P4HA2: variants seen among roughly 807,000 people sequenced by gnomAD.
The protein encoded by P4HA2 is prolyl 4-hydroxylase subunit alpha-2.
In P4HA2, 46 loss-of-function variants were observed where a neutral mutation model predicts 76.9. The observed-to-expected ratio is 0.60, with a 90% CI of 0.47 to 0.76. P4HA2 has a LOEUF of 0.76. Ranked by LOEUF, P4HA2 falls within the 30% of genes least tolerant of loss-of-function variation. P4HA2 has a pLI of 0.00. For missense variants in P4HA2, 583 were observed against 669.4 expected (o/e 0.87, Z 1.42); for synonymous variants, 243 against 254.0 (o/e 0.96, Z 0.41).
In P4HA2 at chr5:132,192,890, C is replaced by G. The variant is rs1327420428; in HGVS notation, c.*120G>C. On this transcript the variant is annotated 3_prime_UTR_variant, in exon 15 of 15. Coordinates refer to ENST00000360568, the MANE Select transcript of P4HA2 (RefSeq NM_001017974.2). ...GCCCTAGTATGGTCTCCCTCTGCTC[C>G]AGACAAACATTCATTTCTCCAAAAA... is the stretch of plus-strand genomic sequence containing the variant. 1.4e-6 allele frequency: 1 copy of G among 727,300 alleles called. No individual in the cohort carries two copies. Among genetic ancestry groups the G allele is most frequent in the African/African-American group, 1.7e-5 (1 of 58,346 alleles). 45.1% of individuals were successfully genotyped at this position (727,300 alleles called of 1,614,324 possible). A position where few individuals can be genotyped will look rare whatever the true frequency, so the allele number is the denominator to read the frequency against.
intron 1 of P4HA2, chr5:132,222,080 C>G (rs540511927): frequency 1.6e-4 from 25 of 152,404 alleles, no homozygotes; most frequent in African/African-American, 5.8e-4. Context: ...CTCCCAGCTG[C>G]AACCCAAATG....
chr5:132,220,146 G>C (rs916682275), intron 1 of P4HA2, among the ~76,000 whole-genome samples: 14 of 152,242 alleles, frequency 9.2e-5, no homozygotes, highest in African/African-American at 3.4e-4. Context: ...AAGTGAGTAA[G>C]CCTGGGCTTG....
intron 5 of P4HA2, among the ~76,000 whole-genome samples, chr5:132,213,399 A>G (rs1753368891): frequency 6.6e-6 from 1 of 152,234 alleles, no homozygotes; most frequent in South Asian, 2.1e-4. Context: ...ATGAATCAGC[A>G]GCAAAGACTC....
chr5:132,194,909 C>T lies in P4HA2; in HGVS notation c.1531+17G>A, dbSNP rs764482279. 3.8e-6 allele frequency: 6 copies of T among 1,564,950 alleles called. 1 individual carries two copies. Among genetic ancestry groups the T allele is most frequent in the Non-Finnish European group, 5.3e-6 (6 of 1,135,116 alleles). On this transcript the variant is annotated intron_variant, in intron 14 of 14. Transcript: ENST00000360568. The stretch of plus-strand genomic sequence containing the variant: ...GCTGAGGCCACCAACACCAACACTA[C>T]CCCTTAAGACACTCACCCCACTTGC...
intron 12 of P4HA2, chr5:132,195,855 C>A: frequency 3.5e-6 from 1 of 286,436 alleles, no homozygotes; most frequent in South Asian, 4.1e-5. Flanking sequence ...GTGCCCTGAC[C>A]AGGAGCTCTG....
rs992442549 is a variant in P4HA2, at chr5:132,190,386, T to C, written c.*2624A>G. Reference sequence around the variant, plus strand: ...CTTATCAGCTGGCTTCCTGTTAGGGTCTACCAATGGAAGCCACTAGAGGGA... The same window carrying C: ...CTTATCAGCTGGCTTCCTGTTAGGGCCTACCAATGGAAGCCACTAGAGGGA... On this transcript the variant is annotated 3_prime_UTR_variant, in exon 15 of 15. Transcript: ENST00000360568. 1.3e-5 allele frequency among the ~76,000 whole-genome samples: 2 copies of C among 152,150 alleles called. No homozygotes were observed. Among genetic ancestry groups the C allele is most frequent in the African/African-American group, 2.4e-5 (1 of 41,436 alleles).
chr5:132,198,434 C>A, intron 11 of P4HA2, 54 bp from the exon 12 acceptor site: 1 of 1,536,480 alleles, frequency 6.5e-7, no homozygotes, highest in East Asian at 2.3e-5. Flanking sequence ...ATCCACCACC[C>A]ACAAGACTAG....
At chr5:132,217,457 C>T (rs1443256752) in intron 3 of P4HA2, 109 bp from the exon 4 acceptor site, 1 of 1,001,890 alleles carries the variant, frequency 1.0e-6, no homozygotes, top group African/African-American at 1.6e-5. Context: ...GGGCCCTTTT[C>T]ATCAAGAGGC....
intron 9 of P4HA2, 116 bp downstream of exon 9, chr5:132,203,966 A>AG: frequency 8.8e-7 from 1 of 1,137,750 alleles, no homozygotes; most frequent in Non-Finnish European, 1.3e-6. Context: ...GCCTGCTGCA[A>AG]GGGGGTGAGG....
chr5:132,199,210 G>C (rs950242251), intron 10 of P4HA2, among the ~76,000 whole-genome samples: 1 of 152,232 alleles, frequency 6.6e-6, no homozygotes. Context: ...AAAAGCACCA[G>C]CCCTTCATGG....
At chr5:132,212,224 CAG>C (rs1753184881) in intron 5 of P4HA2, among the ~76,000 whole-genome samples, 2 of 152,294 alleles carry the variant, frequency 1.3e-5, no homozygotes, top group African/African-American at 4.8e-5. Context: ...AGACCACACA[CAG>C]GAGGAGTTTG....
At chr5:132,217,676 C>T (rs1440626568) in intron 3 of P4HA2, 76 bp downstream of exon 3, 1 of 942,072 alleles carries the variant, frequency 1.1e-6, no homozygotes, top group Non-Finnish European at 1.8e-6. Flanking sequence ...TTATAGGCAC[C>T]CTGGATGGCT....
intron 4 of P4HA2, among the ~76,000 whole-genome samples, chr5:132,215,881 A>T (rs1753791647): frequency 7.1e-6 from 1 of 140,978 alleles, no homozygotes; most frequent in South Asian, 2.3e-4. Context: ...AAAAAAAGGC[A>T]GCGGGCATGG....
At position 132,190,747 on chromosome 5, in the gene P4HA2, T is replaced by G. The variant is rs926646296; in HGVS notation, c.*2263A>C. On this transcript the variant is annotated 3_prime_UTR_variant, in exon 15 of 15. Coordinates refer to ENST00000360568, the MANE Select transcript of P4HA2 (RefSeq NM_001017974.2). ...TGACATAAAAATTAAAAGCTCCTGT[T>G]TATCAAAAGACAGAACTAAAATAGT... Among the ~76,000 whole-genome samples, 4 of 152,232 alleles carry G rather than the reference T, an allele frequency of 2.6e-5. No homozygotes were observed. The East Asian group carries it at 7.7e-4, about 29-fold the overall frequency.
chr5:132,208,445 T>TGG (rs1297701640), intron 7 of P4HA2, among the ~76,000 whole-genome samples: 1 of 2,036 alleles, frequency 4.9e-4, no homozygotes, highest in African/African-American at 2.8e-3. Flanking sequence ...GAGGGGGGAA[T>TGG]GGGGGGAGGG....
In P4HA2 at chr5:132,222,848, T is replaced by C. The variant is rs533600833; in HGVS notation, c.-18-4204A>G. 4.6e-5 allele frequency among the ~76,000 whole-genome samples: 7 copies of C among 152,278 alleles called. No homozygotes were observed. In the East Asian group the frequency reaches 1.2e-3, roughly 25 times the overall value. Reference sequence around the variant, plus strand: ...AAGTCTTGCTTCAGTAACTAGACAATGAAGTAGCAGAGAAGGCTGTTAAAA... The same window carrying C: ...AAGTCTTGCTTCAGTAACTAGACAACGAAGTAGCAGAGAAGGCTGTTAAAA... On this transcript the variant is annotated intron_variant, in intron 1 of 14. Coordinates refer to ENST00000360568, the MANE Select transcript of P4HA2 (RefSeq NM_001017974.2).
chr5:132,198,940 A>G lies in P4HA2; in HGVS notation c.1252-8T>C. 5 of 1,598,716 alleles carry G rather than the reference A, an allele frequency of 3.1e-6. No homozygotes were observed. Among genetic ancestry groups the G allele is most frequent in the Non-Finnish European group, 4.3e-6 (5 of 1,165,960 alleles). ...CACTCCATAATTTGCAACCTGTGGG[A>G]AATAACAGCATTAGACCTTGTAAGC... On this transcript the variant is annotated splice_polypyrimidine_tract_variant and splice_region_variant and intron_variant, in intron 10 of 14. Transcript: ENST00000360568.
intron 5 of P4HA2, among the ~76,000 whole-genome samples, chr5:132,213,235 C>T (rs1157924599): frequency 6.6e-6 from 1 of 152,160 alleles, no homozygotes; most frequent in Non-Finnish European, 1.5e-5. Context: ...GCTGGGTTTA[C>T]CAGCCAAGCG....
At chr5:132,195,170 G>C (rs753003863) in intron 13 of P4HA2, 148 bp from the exon 14 acceptor site, 148 of 651,242 alleles carry the variant, frequency 2.3e-4, no homozygotes, top group Non-Finnish European at 3.5e-4. Context: ...CAGCAACAGA[G>C]ACATTTCCCA....
Sources: gnomAD v4.1 joint callset for allele counts (sites outside exome capture counted in the v4.1 genomes callset) on GRCh38, gnomAD v4.1.1 for gene constraint, MANE v1.5 for transcripts, NCBI Gene and HGNC (gene_info 2026-07-23, HGNC 2026-07-21) for gene names.